Variants in KIRREL3 observed in about 807,000 individuals in gnomAD.
KIRREL3 encodes kin of IRRE-like protein 3.
In KIRREL3, 36 loss-of-function variants were observed where a neutral mutation model predicts 89.7. The observed-to-expected ratio is 0.40, with a 90% confidence interval of 0.31 to 0.53. The LOEUF is 0.53. Ranked by LOEUF, KIRREL3 falls within the 20% of genes least tolerant of loss-of-function variation. The probability of loss-of-function intolerance (pLI) is 0.49; values close to 1 mark genes in which losing one functional copy is unlikely to be tolerated. For synonymous variants in KIRREL3, 445 were observed against 441.4 expected (o/e 1.01, Z -0.10); for missense variants, 864 against 1,056.6 (o/e 0.82, Z 2.53).
At chr11:126,885,733 A>G (rs1945670218) in intron 1 of KIRREL3, among the ~76,000 whole-genome samples, 1 of 152,222 alleles carries the variant, frequency 6.6e-6, no homozygotes, top group Non-Finnish European at 1.5e-5. Flanking sequence ...AGCAGAGGGC[A>G]GCAGGCTGGC....
rs1176840895 is a variant in KIRREL3 at position 126,890,183 on chromosome 11, G to T, written c.55+110272C>A. On this transcript the variant is annotated intron_variant, in intron 1 of 16. Transcript: ENST00000525144. The surrounding 1 kb of genome is among the most constrained non-coding windows in gnomAD (Gnocchi z 5.1). Reference sequence around the variant, plus strand: ...GGGGAGGTGGGGATAGAGCTGAGGGGTGAAAGTGGGAGGAGAATGGTTTCT... The same window carrying T: ...GGGGAGGTGGGGATAGAGCTGAGGGTTGAAAGTGGGAGGAGAATGGTTTCT... Among the ~76,000 whole-genome samples the T allele has an allele frequency of 2.6e-5, 4 of 152,174 alleles. No homozygotes were observed. The highest frequency in any genetic ancestry group is 5.9e-5 in the Non-Finnish European group (4 of 68,046).
rs75768711 is a variant in KIRREL3 at position 126,676,212 on chromosome 11, T to C, written c.56-113300A>G. Among the ~76,000 whole-genome samples, 354 of 152,184 alleles carry C rather than the reference T, an allele frequency of 2.3e-3. 11 individuals carry two copies. The East Asian group carries it at 0.057, about 25-fold the overall frequency. ...AGGGGTGTCATCAGCATCAAGGTGC[T>C]AGTAACTATCACGGGCAAAGATGAA... On this transcript the variant is annotated intron_variant, in intron 1 of 16. Coordinates refer to ENST00000525144, the MANE Select transcript of KIRREL3 (RefSeq NM_032531.4). This position sits in a 1 kb window ranked among gnomAD's most constrained non-coding sequence, Gnocchi z 4.5.
rs181241061 is a variant in KIRREL3 at position 126,541,566 on chromosome 11, C to T, written c.134-14879G>A. Among the ~76,000 whole-genome samples the T allele has an allele frequency of 2.1e-4, 32 of 152,302 alleles. No homozygotes were observed. The highest frequency in any genetic ancestry group is 1.6e-3 in the Admixed American group (24 of 15,304). On this transcript the variant is annotated intron_variant, in intron 2 of 16. Coordinates refer to ENST00000525144, the MANE Select transcript of KIRREL3 (RefSeq NM_032531.4). This position sits in a 1 kb window ranked among gnomAD's most constrained non-coding sequence, Gnocchi z 4.8. ...CTGCTATAGCCTTGTCAGTCAGAGA[C>T]GGTTCTAAAACTTCCATGTGCATGA...
At chr11:126,572,088 T>C (rs931379909) in intron 1 of KIRREL3, among the ~76,000 whole-genome samples, 1 of 152,210 alleles carries the variant, frequency 6.6e-6, no homozygotes, top group Non-Finnish European at 1.5e-5. Flanking sequence ...CTGGGGAGGC[T>C]CAGCCTGGTC....
chr11:126,864,051 C>A (rs941299953), intron 1 of KIRREL3, among the ~76,000 whole-genome samples: 1 of 152,210 alleles, frequency 6.6e-6, no homozygotes, highest in African/African-American at 2.4e-5. Context: ...CCTCCCCAAC[C>A]GGGCATCCTC....
rs1046542367 is a variant in KIRREL3 at position 126,620,410 on chromosome 11, G to A, written c.56-57498C>T. Among the ~76,000 whole-genome samples, 4 of 152,106 alleles carry A rather than the reference G, an allele frequency of 2.6e-5. No homozygotes were observed. The highest frequency in any genetic ancestry group is 6.5e-5 in the Admixed American group (1 of 15,272). The stretch of plus-strand genomic sequence containing the variant: ...ATTCTGAGGGGCTGTGAATTCCAAG[G>A]ACATCCATTAATGAAAAGTATTAGA... On this transcript the variant is annotated intron_variant, in intron 1 of 16. Transcript: ENST00000525144. This position sits in a 1 kb window ranked among gnomAD's most constrained non-coding sequence, Gnocchi z 4.8.
chr11:126,600,494 C>G (rs1157487180), intron 1 of KIRREL3, among the ~76,000 whole-genome samples: 1 of 152,138 alleles, frequency 6.6e-6, no homozygotes, highest in Non-Finnish European at 1.5e-5. Flanking sequence ...TGCCTTGTTC[C>G]TCTGTATTTA....
At chr11:126,660,991 C>T (rs756913883) in intron 1 of KIRREL3, among the ~76,000 whole-genome samples, 5 of 152,178 alleles carry the variant, frequency 3.3e-5, no homozygotes, top group African/African-American at 4.8e-5. Context: ...TAAGTCTTTA[C>T]AGAAACCTAG....
At chr11:126,433,513 C>T (rs1477790824) in intron 13 of KIRREL3, among the ~76,000 whole-genome samples, 1 of 152,150 alleles carries the variant, frequency 6.6e-6, no homozygotes. Flanking sequence ...CCATTGGTTA[C>T]CTACCAATTA....
Position 126,772,701 on chromosome 11 carries a change from T to C in KIRREL3, c.56-209789A>G, listed in dbSNP as rs10893567. Among the ~76,000 whole-genome samples the C allele has an allele frequency of 0.11, 17,142 of 152,214 alleles. 1,251 individuals carry two copies. The highest frequency in any genetic ancestry group is 0.16 in the Admixed American group (2,379 of 15,294). On this transcript the variant is annotated intron_variant, in intron 1 of 16. Transcript: ENST00000525144. The surrounding 1 kb of genome is among the most constrained non-coding windows in gnomAD (Gnocchi z 4.6). ...CCCTAACTGCCTCAGCCTTGAAAGC[T>C]CTGGAGAGGCCACAGGCCAGCAGGG...
At chr11:126,798,063 G>C (rs1950868769) in intron 1 of KIRREL3, among the ~76,000 whole-genome samples, 1 of 152,152 alleles carries the variant, frequency 6.6e-6, no homozygotes, top group African/African-American at 2.4e-5. Context: ...GACTGTGGAA[G>C]TGATGGCTCA....
chr11:126,444,932 T>A (rs539936319), intron 10 of KIRREL3, 47 bp downstream of exon 10: 2 of 1,608,246 alleles, frequency 1.2e-6, no homozygotes, highest in African/African-American at 1.3e-5. Context: ...ATGCCTGAGG[T>A]CCTTCTTCCC....
At chr11:126,626,877 G>C (rs1037101709) in intron 1 of KIRREL3, among the ~76,000 whole-genome samples, 2 of 152,126 alleles carry the variant, frequency 1.3e-5, no homozygotes, top group South Asian at 4.1e-4. Context: ...GCGTGGTGGC[G>C]CATGCCTGTA....
At chr11:126,913,176 G>C (rs938602680) in intron 1 of KIRREL3, among the ~76,000 whole-genome samples, 1 of 152,230 alleles carries the variant, frequency 6.6e-6, no homozygotes, top group Admixed American at 6.5e-5. Flanking sequence ...GAGATAGTTA[G>C]GGTCAATAGT....
At position 126,883,383 on chromosome 11, in the gene KIRREL3, C is replaced by CCTCT. The variant is rs1945579204; in HGVS notation, c.55+117068_55+117071dup. On this transcript the variant is annotated intron_variant, in intron 1 of 16. Coordinates refer to ENST00000525144, the MANE Select transcript of KIRREL3 (RefSeq NM_032531.4). This position sits in a 1 kb window ranked among gnomAD's most constrained non-coding sequence, Gnocchi z 4.1. ...ATGCTCATTGTCGCACTTCCTGTCA[C>CCTCT]CTCTCTCTCCTGCATCCCTCTCTAT... 6.6e-6 allele frequency among the ~76,000 whole-genome samples: 1 copy of CCTCT among 152,158 alleles called. No homozygotes were observed. Among genetic ancestry groups the CCTCT allele is most frequent in the Non-Finnish European group, 1.5e-5 (1 of 68,026 alleles).
chr11:126,969,080 G>T lies in KIRREL3; in HGVS notation c.55+31375C>A, dbSNP rs747402770. ...TCAGGCGGGGGCGTCTGAGGTTCGC[G>T]TGTGAGGGAATCAGGTGCATTGCAC... On this transcript the variant is annotated intron_variant, in intron 1 of 16. Transcript: ENST00000525144. The surrounding 1 kb of genome is among the most constrained non-coding windows in gnomAD (Gnocchi z 4.9). Among the ~76,000 whole-genome samples the T allele has an allele frequency of 6.6e-6, 1 of 152,178 alleles. No homozygotes were observed. The highest frequency in any genetic ancestry group is 1.5e-5 in the Non-Finnish European group (1 of 68,040).
rs1465756356 is a variant in KIRREL3 at position 126,912,147 on chromosome 11, GC to G, written c.55+88307del. ...CTAGATGTCGTGAATCAAGCCTCTG[GC>G]AAGGACAGCGCAGTGACCAACCCTC... is the stretch of plus-strand genomic sequence containing the variant. On this transcript the variant is annotated intron_variant, in intron 1 of 16. Transcript: ENST00000525144. The surrounding 1 kb of genome is among the most constrained non-coding windows in gnomAD (Gnocchi z 4.7). 6.6e-6 allele frequency among the ~76,000 whole-genome samples: 1 copy of G among 152,062 alleles called. No individual in the cohort carries two copies. Among genetic ancestry groups the G allele is most frequent in the Non-Finnish European group, 1.5e-5 (1 of 68,018 alleles).
rs1292964948 is a variant in KIRREL3, at chr11:126,867,366, C to T, written c.55+133089G>A. 6.6e-6 allele frequency among the ~76,000 whole-genome samples: 1 copy of T among 152,200 alleles called. No individual in the cohort carries two copies. On this transcript the variant is annotated intron_variant, in intron 1 of 16. Coordinates refer to ENST00000525144, the MANE Select transcript of KIRREL3 (RefSeq NM_032531.4). The surrounding 1 kb of genome is among the most constrained non-coding windows in gnomAD (Gnocchi z 4.7). ...CCTCGAGGTTCTACACACGGCCTGCCTTAGCCATCAGGCTTCCCATTCGGC... is the reference window on the plus strand; with the variant it reads ...CCTCGAGGTTCTACACACGGCCTGCTTTAGCCATCAGGCTTCCCATTCGGC...
chr11:126,880,808 T>C (rs534874259), intron 1 of KIRREL3, among the ~76,000 whole-genome samples: 4 of 152,354 alleles, frequency 2.6e-5, no homozygotes, highest in Admixed American at 2.6e-4. Context: ...GGAAGGGATA[T>C]TGTGTATTTT....
Sources: allele counts gnomAD v4.1 joint callset (sites outside exome capture counted in the v4.1 genomes callset), GRCh38; gene constraint gnomAD v4.1.1; non-coding constraint Gnocchi (gnomAD v3.1); transcripts MANE v1.5; gene names NCBI Gene and HGNC (gene_info 2026-07-23, HGNC 2026-07-21).